RAD51B: variants seen among roughly 807,000 people sequenced by gnomAD.
The protein encoded by RAD51B is DNA repair protein RAD51 homolog 2.
A neutral mutation model predicts 42.2 loss-of-function variants in RAD51B; 38 were observed. That is an observed-to-expected ratio of 0.90 (90% CI 0.70 to 1.18). RAD51B has a LOEUF of 1.18. RAD51B is among the 50% of genes most tolerant of loss of function. The pLI, the probability that RAD51B is intolerant of heterozygous loss-of-function variation, is 0.00. For missense variants in RAD51B, 373 were observed against 400.7 expected (o/e 0.93, Z 0.59); for synonymous variants, 154 against 145.2 (o/e 1.06, Z -0.43).
At chr14:68,558,071 G>C (rs530193211) in intron 10 of RAD51B, among the ~76,000 whole-genome samples, 1 of 152,188 alleles carries the variant, frequency 6.6e-6, no homozygotes, top group East Asian at 1.9e-4. Flanking sequence ...GAGCTCAAAG[G>C]CTGTGCTGTT....
chr14:68,179,645 A>G (rs988431071), intron 7 of RAD51B, among the ~76,000 whole-genome samples: 1 of 152,172 alleles, frequency 6.6e-6, no homozygotes, highest in African/African-American at 2.4e-5. Flanking sequence ...GAAATTGATA[A>G]TATTTATATG....
At chr14:68,064,581 G>A (rs1080956) in intron 7 of RAD51B, among the ~76,000 whole-genome samples, 39,989 of 151,826 alleles carry the variant, frequency 0.26, 6,905 homozygotes, top group African/African-American at 0.49. Context: ...GATTCTCATA[G>A]TATTAATATT....
intron 7 of RAD51B, among the ~76,000 whole-genome samples, chr14:67,896,779 T>C (rs2043434916): frequency 1.3e-5 from 2 of 152,216 alleles, no homozygotes; most frequent in African/African-American, 2.4e-5. Context: ...GTAGTTCACT[T>C]AGTTAATACA....
intron 7 of RAD51B, among the ~76,000 whole-genome samples, chr14:68,167,056 C>T (rs2078767799): frequency 6.6e-6 from 1 of 152,164 alleles, no homozygotes; most frequent in Non-Finnish European, 1.5e-5. Flanking sequence ...GATACCATTT[C>T]CAGATTAACC....
chr14:68,449,771 C>T (rs898900101), intron 9 of RAD51B, among the ~76,000 whole-genome samples: 4 of 152,118 alleles, frequency 2.6e-5, no homozygotes, highest in African/African-American at 7.2e-5. Context: ...CTCCTAGAGT[C>T]CCGGCTGACT....
At chr14:68,316,671 T>A (rs2082069767) in intron 8 of RAD51B, among the ~76,000 whole-genome samples, 1 of 152,210 alleles carries the variant, frequency 6.6e-6, no homozygotes, top group South Asian at 2.1e-4. Flanking sequence ...TGTTTACATT[T>A]GGTGACCTGC....
chr14:67,841,386 C>G (rs1227720525), intron 4 of RAD51B, among the ~76,000 whole-genome samples: 10 of 152,080 alleles, frequency 6.6e-5, no homozygotes. Context: ...TCCATTTATT[C>G]TGTTGATAGT....
chr14:67,946,852 G>T (rs1392255367), intron 7 of RAD51B, among the ~76,000 whole-genome samples: 1 of 152,158 alleles, frequency 6.6e-6, no homozygotes, highest in Non-Finnish European at 1.5e-5. Flanking sequence ...TGAGGAACAG[G>T]ATAGTTATAA....
intron 7 of RAD51B, among the ~76,000 whole-genome samples, chr14:68,255,243 T>A (rs532086786): frequency 1.8e-4 from 28 of 152,182 alleles, no homozygotes; most frequent in Middle Eastern, 3.4e-3. Context: ...TAAGAAAGAG[T>A]TCAAAGACAG....
chr14:68,551,633 T>A (rs1338763406), intron 10 of RAD51B, among the ~76,000 whole-genome samples: 2 of 152,352 alleles, frequency 1.3e-5, no homozygotes, highest in East Asian at 3.9e-4. Flanking sequence ...CACCTCCAGG[T>A]CAAGGGCTTT....
intron 7 of RAD51B, among the ~76,000 whole-genome samples, chr14:67,962,765 C>CAT (rs1366008679): frequency 5.3e-5 from 8 of 152,132 alleles, no homozygotes; most frequent in South Asian, 2.1e-4. Context: ...TAAATACCTT[C>CAT]ATATATATAT....
At chr14:68,103,539 C>T (rs1357701921) in intron 7 of RAD51B, among the ~76,000 whole-genome samples, 1 of 152,144 alleles carries the variant, frequency 6.6e-6, no homozygotes, top group African/African-American at 2.4e-5. Flanking sequence ...ATTACTCTTA[C>T]GAATATAGTG....
intron 10 of RAD51B, among the ~76,000 whole-genome samples, chr14:68,650,010 A>C (rs1892667774): frequency 6.6e-6 from 1 of 152,172 alleles, no homozygotes; most frequent in Non-Finnish European, 1.5e-5. Context: ...CTCTTGGCCC[A>C]TTGGTCTGGG....
At chr14:68,122,794 A>T (rs1239136862) in intron 7 of RAD51B, among the ~76,000 whole-genome samples, 1 of 152,250 alleles carries the variant, frequency 6.6e-6, no homozygotes, top group African/African-American at 2.4e-5. Context: ...ATTGTCATCA[A>T]TAGGAGACTG....
At chr14:68,057,998 A>G (rs538906223) in intron 7 of RAD51B, among the ~76,000 whole-genome samples, 11 of 152,200 alleles carry the variant, frequency 7.2e-5, no homozygotes, top group Non-Finnish European at 1.2e-4. Context: ...TGTAATTGAT[A>G]GAGGAAAGAA....
At chr14:68,600,990 G>A (rs1566951006), downstream of RAD51B, among the ~76,000 whole-genome samples, 3 of 132,470 alleles carry the variant, frequency 2.3e-5, no homozygotes, top group South Asian at 2.2e-4. Context: ...AACACAAACT[G>A]AGTGCATGCT....
rs1041255138 is a variant in RAD51B at position 68,631,211 on chromosome 14, G to T, written c.1037-19570G>T. On this transcript the variant is annotated intron_variant, in intron 10 of 11. Transcript: ENST00000488612. ...GTCAAAGACTGTGTCTAAAAGGCGG[G>T]TGTAGTTGGGATATACTGGATTCCC... is the stretch of plus-strand genomic sequence containing the variant. Among the ~76,000 whole-genome samples the T allele has an allele frequency of 5.9e-5, 9 of 152,344 alleles. No homozygotes were observed. In the East Asian group the frequency reaches 9.6e-4, roughly 16 times the overall value.
intron 7 of RAD51B, among the ~76,000 whole-genome samples, chr14:68,000,797 C>A (rs1318598123): frequency 1.3e-5 from 2 of 152,068 alleles, no homozygotes; most frequent in East Asian, 3.9e-4. Context: ...TCACCCTTGA[C>A]CATGTGGATT....
chr14:67,941,186 C>G (rs2045194507), intron 7 of RAD51B, among the ~76,000 whole-genome samples: 1 of 152,000 alleles, frequency 6.6e-6, no homozygotes, highest in African/African-American at 2.4e-5. Flanking sequence ...GAGGCAAAAT[C>G]CAAAAAAACA....
Sources: allele counts gnomAD v4.1 joint callset (sites outside exome capture counted in the v4.1 genomes callset), GRCh38; gene constraint gnomAD v4.1.1; transcripts MANE v1.5; gene names NCBI Gene and HGNC (gene_info 2026-07-23, HGNC 2026-07-21).